The following RRAGC variants were observed in gnomAD, a reference collection of about 807,000 sequenced individuals.
RRAGC encodes ras-related GTP-binding protein C.
RRAGC carries 8 observed loss-of-function variants against 37.1 expected under a neutral mutation model. The ratio of observed to expected loss-of-function variants is 0.22; its 90% CI spans 0.13 to 0.39. The LOEUF is 0.39. RRAGC is among the 10% of genes least tolerant of loss of function. The probability of loss-of-function intolerance (pLI) is 1.00; values close to 1 mark genes in which losing one functional copy is unlikely to be tolerated. For missense variants in RRAGC, 342 were observed against 497.6 expected (o/e 0.69, Z 2.98); for synonymous variants, 190 against 181.1 (o/e 1.05, Z -0.39).
chr1:38,859,611 G>A lies in RRAGC; in HGVS notation c.36C>T (p.Leu12=). The A allele has an allele frequency of 1.9e-6, 3 of 1,563,182 alleles. No homozygotes were observed. Among genetic ancestry groups the A allele is most frequent in the Non-Finnish European group, 1.7e-6 (2 of 1,155,528 alleles). ...SLQYGAEETP[L]AGSYGAADSF... The stretch of plus-strand genomic sequence containing the variant: ...AATCGGCCGCGCCGTAACTGCCGGC[G>A]AGGGGCGTCTCCTCCGCCCCGTACT... Residue 12 remains leucine (L), a synonymous_variant, in exon 1 of 7, where the codon CTC becomes CTT. Coordinates refer to ENST00000373001, the MANE Select transcript of RRAGC (RefSeq NM_022157.4).
At chr1:38,843,384 T>C (rs1470637123) in intron 6 of RRAGC, among the ~76,000 whole-genome samples, 1 of 152,132 alleles carries the variant, frequency 6.6e-6, no homozygotes, top group African/African-American at 2.4e-5. Context: ...TGAAGATACA[T>C]GTTTTGATTT....
intron 3 of RRAGC, among the ~76,000 whole-genome samples, chr1:38,854,156 C>T (rs1011981134): frequency 2.7e-5 from 4 of 149,994 alleles, no homozygotes; most frequent in Non-Finnish European, 5.9e-5. Flanking sequence ...CAACCTCCAC[C>T]TCCTGGGTTC....
Position 38,856,893 on chromosome 1 carries a change from C to G in RRAGC, c.427G>C (p.Val143Leu). Residue 143 changes from valine (V) to leucine (L), a missense_variant, in exon 2 of 7, where the codon GTC becomes CTC. Physicochemically the swap from Val to Leu is conservative, Grantham distance 32. This residue lies in a region of RRAGC where 134 missense variants were observed against 277.2 expected (regional missense o/e 0.48). Transcript: ENST00000373001. The stretch of plus-strand genomic sequence containing the variant: ...TTACTGACTACCTGTGCGTCAATGA[C>G]GTATATCAATGCTCCTGTTCCCCTG... ...IFRGTGALIY[V>L]IDAQDDYMEA... 6.2e-7 allele frequency: 1 copy of G among 1,614,022 alleles called. No individual in the cohort carries two copies. The highest frequency in any genetic ancestry group is 8.5e-7 in the Non-Finnish European group (1 of 1,179,914).
At chr1:38,839,744 C>T in intron 6 of RRAGC, 40 bp from the exon 7 acceptor site, 1 of 1,595,358 alleles carries the variant, frequency 6.3e-7, no homozygotes, top group Non-Finnish European at 8.6e-7. Context: ...CCTGAATTGT[C>T]AATTGTGAAA....
intron 5 of RRAGC, among the ~76,000 whole-genome samples, chr1:38,850,453 G>T (rs1056403847): frequency 6.6e-6 from 1 of 152,080 alleles, no homozygotes; most frequent in African/African-American, 2.4e-5. Flanking sequence ...GGTGGAGCTT[G>T]CAGTGAGCCA....
chr1:38,855,627 G>T, intron 3 of RRAGC, 81 bp downstream of exon 3: 1 of 1,115,166 alleles, frequency 9.0e-7, no homozygotes, highest in Non-Finnish European at 1.4e-6. Flanking sequence ...GTAGCAGAAA[G>T]CTATGGTGTT....
chr1:38,848,052 G>C (rs1369625250), intron 5 of RRAGC: 2 of 124,274 alleles, frequency 1.6e-5, no homozygotes, highest in African/African-American at 6.6e-5. Context: ...AAAAAAAAAA[G>C]GTAGGAACTG....
At chr1:38,854,642 A>G (rs1212585729) in intron 3 of RRAGC, among the ~76,000 whole-genome samples, 1 of 152,216 alleles carries the variant, frequency 6.6e-6, no homozygotes, top group Non-Finnish European at 1.5e-5. Flanking sequence ...TCCTACAAAC[A>G]TTGCTGAATT....
At chr1:38,856,035 A>C (rs1319746891) in intron 2 of RRAGC, 128 bp from the exon 3 acceptor site, 9 of 622,782 alleles carry the variant, frequency 1.4e-5, no homozygotes, top group Admixed American at 3.0e-5. Context: ...ATATTCAAAC[A>C]TTCAAATATA....
intron 5 of RRAGC, 153 bp from the exon 6 acceptor site, chr1:38,846,240 T>C: frequency 1.6e-6 from 1 of 630,234 alleles, no homozygotes; most frequent in East Asian, 2.9e-5. Context: ...TAAGGTATAG[T>C]GTTCCTAAAC....
chr1:38,858,651 T>C (rs1323656799), intron 1 of RRAGC, among the ~76,000 whole-genome samples: 2 of 152,268 alleles, frequency 1.3e-5, no homozygotes, highest in Middle Eastern at 3.4e-3. Flanking sequence ...TGAGCCGAGA[T>C]TGCACCACTG....
At chr1:38,845,783 C>CTATA (rs1041978312) in intron 6 of RRAGC, among the ~76,000 whole-genome samples, 156 bp downstream of exon 6, 8 of 151,762 alleles carry the variant, frequency 5.3e-5, no homozygotes, top group Non-Finnish European at 1.2e-4. Context: ...AAAGTCTGGA[C>CTATA]TATACATGGA....
intron 3 of RRAGC, among the ~76,000 whole-genome samples, chr1:38,854,130 C>T (rs1000788611): frequency 3.4e-5 from 5 of 147,474 alleles, no homozygotes; most frequent in Admixed American, 2.1e-4. Flanking sequence ...TCCAGTGGCA[C>T]GATCTTGGCT....
chr1:38,853,032 C>A (rs1009705274), intron 3 of RRAGC, among the ~76,000 whole-genome samples: 1 of 152,176 alleles, frequency 6.6e-6, no homozygotes, highest in Non-Finnish European at 1.5e-5. Flanking sequence ...TTAGGTGCTT[C>A]TGAGCTGTGT....
chr1:38,850,386 C>A (rs1247053678), intron 5 of RRAGC, among the ~76,000 whole-genome samples: 4 of 151,766 alleles, frequency 2.6e-5, no homozygotes, highest in Non-Finnish European at 4.4e-5. Flanking sequence ...TTGTGGCGGG[C>A]ACCTGTAGTC....
intron 1 of RRAGC, among the ~76,000 whole-genome samples, chr1:38,859,155 G>A (rs1047144436): frequency 6.6e-6 from 1 of 152,246 alleles, no homozygotes; most frequent in African/African-American, 2.4e-5. Flanking sequence ...GGAGGTCTTG[G>A]GCGGTGCCAC....
Position 38,852,508 on chromosome 1 carries a change from T to C in RRAGC, c.642-20A>G, listed in dbSNP as rs987519148. 8.2e-6 allele frequency: 9 copies of C among 1,094,370 alleles called. No homozygotes were observed. The African/African-American group carries it at 1.4e-4, about 17-fold the overall frequency. The allele number at this position is 1,094,370 out of a possible 1,614,324, so 67.8% of individuals were successfully genotyped here. On this transcript the variant is annotated intron_variant, in intron 3 of 6. Transcript: ENST00000373001. ...TAAAAGCTGAAAAACACAACATAGC[T>C]TGATTAATTTGAAAAATACCTTATG... is the stretch of plus-strand genomic sequence containing the variant.
At chr1:38,845,562 C>T (rs1642018124) in intron 6 of RRAGC, among the ~76,000 whole-genome samples, 3 of 152,134 alleles carry the variant, frequency 2.0e-5, no homozygotes, top group Admixed American at 1.3e-4. Context: ...CACCATGGCA[C>T]ATATATACCT....
At position 38,859,608 on chromosome 1, in the gene RRAGC, G is replaced by A. The variant is rs201395184; in HGVS notation, c.39C>T (p.Ala13=). 124 of 1,563,812 alleles carry A rather than the reference G, an allele frequency of 7.9e-5. No homozygotes were observed. The highest frequency in any genetic ancestry group is 5.6e-4 in the Admixed American group (29 of 52,120). The part of the protein sequence containing the change: ...LQYGAEETPL[A]GSYGAADSFP... ...ACGAATCGGCCGCGCCGTAACTGCC[G>A]GCGAGGGGCGTCTCCTCCGCCCCGT... is the stretch of plus-strand genomic sequence containing the variant. The change falls in exon 1 of 7, where the codon GCC becomes GCT. Residue 13 remains alanine (A), a synonymous_variant. Coordinates refer to ENST00000373001, the MANE Select transcript of RRAGC (RefSeq NM_022157.4).
Sources: gnomAD v4.1 joint callset for allele counts (sites outside exome capture counted in the v4.1 genomes callset) on GRCh38, gnomAD v4.1.1 for gene constraint, gnomAD v4.1.1 regional missense constraint, MANE v1.5 for transcripts, NCBI Gene and HGNC (gene_info 2026-07-23, HGNC 2026-07-21) for gene names.